MMS19: variants seen among roughly 807,000 people sequenced by gnomAD.
MMS19 encodes the protein MMS19 nucleotide excision repair protein homolog.
A neutral mutation model predicts 129.8 loss-of-function variants in MMS19; 77 were observed. That is an observed-to-expected ratio of 0.59 (90% confidence interval 0.49 to 0.72). The LOEUF is 0.72. Ranked by LOEUF, MMS19 falls within the 30% of genes least tolerant of loss-of-function variation. The pLI, the probability that MMS19 is intolerant of heterozygous loss-of-function variation, is 0.00. For synonymous variants in MMS19, 491 were observed against 502.8 expected, an observed-to-expected ratio of 0.98 and a Z score of 0.31; for missense variants, 1,168 against 1,266.3, an observed-to-expected ratio of 0.92 and a Z score of 1.18.
chr10:97,497,815 C>G (rs560709680), intron 1 of MMS19, among the ~76,000 whole-genome samples: 2 of 152,338 alleles, frequency 1.3e-5, no homozygotes, highest in Non-Finnish European at 2.9e-5. Flanking sequence ...CCAGTCAGAG[C>G]GCGGGGCCAT....
chr10:97,496,438 A>C (rs765153222), intron 1 of MMS19, among the ~76,000 whole-genome samples: 12 of 150,864 alleles, frequency 8.0e-5, no homozygotes, highest in Non-Finnish European at 1.5e-4. Context: ...TTGCTTGAGC[A>C]TAGGTCGAGG....
chr10:97,473,793 A>C (rs559550360), intron 8 of MMS19, among the ~76,000 whole-genome samples: 2 of 152,138 alleles, frequency 1.3e-5, no homozygotes, highest in African/African-American at 4.8e-5. Flanking sequence ...GTTTTTGTGC[A>C]GTAACAGCAG....
At chr10:97,468,893 G>A (rs1261556566) in intron 12 of MMS19, 73 bp downstream of exon 12, 11 of 1,494,512 alleles carry the variant, frequency 7.4e-6, no homozygotes, top group Non-Finnish European at 9.9e-6. Flanking sequence ...ACAGGCGTGA[G>A]CCACCGCACC....
chr10:97,492,252 C>T (rs1015777624), intron 1 of MMS19, among the ~76,000 whole-genome samples: 9 of 150,522 alleles, frequency 6.0e-5, no homozygotes, highest in African/African-American at 2.0e-4. Flanking sequence ...GGGCGGATCA[C>T]GAGGTCAGGA....
At chr10:97,495,055 T>C (rs1282451116) in intron 1 of MMS19, among the ~76,000 whole-genome samples, 1 of 152,212 alleles carries the variant, frequency 6.6e-6, no homozygotes, top group African/African-American at 2.4e-5. Context: ...TGAGATGCTG[T>C]CTGGCTGGGT....
intron 8 of MMS19, among the ~76,000 whole-genome samples, chr10:97,471,373 T>C (rs989554713): frequency 4.6e-5 from 7 of 152,118 alleles, no homozygotes; most frequent in Admixed American, 1.3e-4. Flanking sequence ...TTCACCCTTA[T>C]AAAAAGCTGT....
rs1156232628 is a variant in MMS19 at position 97,462,639 on chromosome 10, C to T, written c.1956G>A (p.Glu652=). The change falls in exon 20 of 31, where the codon GAG becomes GAA. Residue 652 remains glutamate (E), a synonymous_variant. Transcript: ENST00000438925. Reference sequence around the variant, plus strand: ...TGACAGACACCATGGCAGCCAACACCTCATCCTCCAATAGTACTTTTCTCA... The same window carrying T: ...TGACAGACACCATGGCAGCCAACACTTCATCCTCCAATAGTACTTTTCTCA... ...SVLRKVLLED[E]VLAAMVSVIG... is the part of the protein sequence containing the mutation. 1.2e-6 allele frequency: 2 copies of T among 1,613,958 alleles called. No homozygotes were observed. The highest frequency in any genetic ancestry group is 4.5e-5 in the East Asian group (2 of 44,878).
intron 19 of MMS19, 104 bp downstream of exon 19, chr10:97,463,754 T>C (rs1012317313): frequency 7.6e-6 from 8 of 1,050,450 alleles, no homozygotes; most frequent in Non-Finnish European, 6.9e-6. Context: ...AATAAACCTC[T>C]GATGGTACAA....
intron 1 of MMS19, among the ~76,000 whole-genome samples, chr10:97,493,286 C>T (rs2039241518): frequency 6.6e-6 from 1 of 152,210 alleles, no homozygotes. Flanking sequence ...GCTGGGATTA[C>T]AGGCATGAAC....
At chr10:97,461,395 G>A in intron 23 of MMS19, 101 bp downstream of exon 23, 1 of 1,390,410 alleles carries the variant, frequency 7.2e-7, no homozygotes, top group African/African-American at 1.4e-5. Context: ...CCCTGTTAAT[G>A]TTATTAGCAA....
chr10:97,472,632 C>CT (rs2034965469), intron 8 of MMS19, among the ~76,000 whole-genome samples: 1 of 151,712 alleles, frequency 6.6e-6, no homozygotes, highest in African/African-American at 2.4e-5. Context: ...TTTTTGGTGA[C>CT]TGAGTCTGGC....
chr10:97,486,946 G>A (rs1589769416), intron 1 of MMS19, among the ~76,000 whole-genome samples: 1 of 140,104 alleles, frequency 7.1e-6, no homozygotes, highest in East Asian at 2.1e-4. Flanking sequence ...TCAGGGAGAA[G>A]GTAGCCCTTC....
In MMS19 at chr10:97,458,480, G is replaced by C; in HGVS notation, c.*212C>G. On this transcript the variant is annotated 3_prime_UTR_variant, in exon 31 of 31. Coordinates refer to ENST00000438925, the MANE Select transcript of MMS19 (RefSeq NM_022362.5). ...CAGGACCCTAGATCTTTCTTCAAACGCAAGTGTCTCACACACACTTATTTT... is the reference window on the plus strand; with the variant it reads ...CAGGACCCTAGATCTTTCTTCAAACCCAAGTGTCTCACACACACTTATTTT... 1.8e-6 allele frequency: 1 copy of C among 565,034 alleles called. No homozygotes were observed. Among genetic ancestry groups the C allele is most frequent in the Non-Finnish European group, 3.1e-6 (1 of 322,306 alleles). 35.0% of individuals were successfully genotyped at this position (565,034 alleles called of 1,614,324 possible).
chr10:97,466,205 GCT>G, intron 16 of MMS19, 46 bp from the exon 17 acceptor site: 1 of 1,464,776 alleles, frequency 6.8e-7, no homozygotes, highest in African/African-American at 1.4e-5. Flanking sequence ...TGGGCTCACA[GCT>G]CTCTTGCCTA....
chr10:97,479,132 C>A (rs1324171475), intron 3 of MMS19, among the ~76,000 whole-genome samples: 1 of 152,160 alleles, frequency 6.6e-6, no homozygotes, highest in East Asian at 1.9e-4. Flanking sequence ...TCTTCCTTCT[C>A]CCTTCCTTCT....
intron 11 of MMS19, 96 bp downstream of exon 11, chr10:97,469,550 T>G: frequency 1.0e-6 from 1 of 1,002,382 alleles, no homozygotes; most frequent in Non-Finnish European, 1.5e-6. Flanking sequence ...ATCTTGGCCC[T>G]GGGGATGACA....
At position 97,459,264 on chromosome 10, in the gene MMS19, G is replaced by A. The variant is rs753687925; in HGVS notation, c.2923C>T (p.Leu975=). 6.2e-7 allele frequency: 1 copy of A among 1,613,350 alleles called. No individual in the cohort carries two copies. The highest frequency in any genetic ancestry group is 1.7e-5 in the Admixed American group (1 of 59,984). ...SPSMAVRIAA[L]QCMHALTRLP... ...CGAGTGAGAGCATGCATGCACTGCA[G>A]TGCGGCGATCCGGACAGCCTGGAAC... The change falls in exon 29 of 31, where the codon CTG becomes TTG. Residue 975 remains leucine (L), a synonymous_variant. Coordinates refer to ENST00000438925, the MANE Select transcript of MMS19 (RefSeq NM_022362.5).
At chr10:97,492,902 C>G (rs1327333367) in intron 1 of MMS19, among the ~76,000 whole-genome samples, 1 of 147,758 alleles carries the variant, frequency 6.8e-6, no homozygotes, top group Non-Finnish European at 1.5e-5. Context: ...TTTCATTCAA[C>G]ATTTACTGAA....
At chr10:97,474,826 G>A (rs2035442992) in intron 8 of MMS19, among the ~76,000 whole-genome samples, 1 of 152,100 alleles carries the variant, frequency 6.6e-6, no homozygotes. Flanking sequence ...TGTTTCTAAT[G>A]GGAAAATGGA....
Sources: gnomAD v4.1 joint callset for allele counts (sites outside exome capture counted in the v4.1 genomes callset) on GRCh38, gnomAD v4.1.1 for gene constraint, MANE v1.5 for transcripts, NCBI Gene and HGNC (gene_info 2026-07-23, HGNC 2026-07-21) for gene names.